The following R3HDM1 variants were observed in gnomAD, a reference collection of about 807,000 sequenced individuals.
R3HDM1 encodes the protein R3H domain-containing protein 1.
R3HDM1 carries 46 observed loss-of-function variants against 141.1 expected under a neutral mutation model. That is an observed-to-expected ratio of 0.33 (90% confidence interval 0.26 to 0.42). R3HDM1 has a LOEUF of 0.42. R3HDM1 is among the 10% of genes least tolerant of loss of function. The pLI is 1.00. For synonymous variants in R3HDM1, 435 were observed against 472.9 expected (o/e 0.92, Z 1.04); for missense variants, 1,184 against 1,368.3 (o/e 0.87, Z 2.12).
intron 1 of R3HDM1, among the ~76,000 whole-genome samples, chr2:135,532,681 A>C (rs988431232): frequency 6.6e-6 from 1 of 152,200 alleles, no homozygotes; most frequent in African/African-American, 2.4e-5. Context: ...TTAAAGTCAA[A>C]CTGAAAGTCT....
At chr2:135,588,048 CTCTTTT>C (rs1559178118) in intron 1 of R3HDM1, among the ~76,000 whole-genome samples, 1 of 152,008 alleles carries the variant, frequency 6.6e-6, no homozygotes, top group South Asian at 2.1e-4. Flanking sequence ...CTCTCTCTCT[CTCTTTT>C]ATCTTTCTAC....
At chr2:135,667,741 G>A (rs1393070496) in intron 19 of R3HDM1, 1 of 982,638 alleles carries the variant, frequency 1.0e-6, no homozygotes, top group African/African-American at 1.8e-5. Flanking sequence ...CTAATCCTCA[G>A]CCTTCTCCCT....
intron 1 of R3HDM1, chr2:135,561,155 G>T (rs948207607): frequency 3.7e-6 from 1 of 269,604 alleles, no homozygotes; most frequent in African/African-American, 2.3e-5. Flanking sequence ...GACTCCGTCA[G>T]ATTTCTAAAG....
intron 21 of R3HDM1, among the ~76,000 whole-genome samples, chr2:135,704,114 G>A (rs1234262551): frequency 1.3e-5 from 2 of 152,122 alleles, no homozygotes; most frequent in African/African-American, 4.8e-5. Context: ...CTGAATAACT[G>A]GGATTACAGG....
chr2:135,644,030 A>G (rs1189533397), intron 15 of R3HDM1, among the ~76,000 whole-genome samples: 13 of 152,216 alleles, frequency 8.5e-5, no homozygotes, highest in Non-Finnish European at 5.9e-5. Flanking sequence ...TAATTTATAT[A>G]ATAAACCACC....
intron 21 of R3HDM1, among the ~76,000 whole-genome samples, chr2:135,701,329 G>A (rs1042163423): frequency 7.2e-5 from 11 of 151,852 alleles, no homozygotes; most frequent in South Asian, 4.1e-4. Context: ...CTTGCACCCC[G>A]GAGTTCAAGG....
At chr2:135,620,462 G>A in intron 5 of R3HDM1, 1 of 963,648 alleles carries the variant, frequency 1.0e-6, no homozygotes, top group Non-Finnish European at 1.2e-6. Context: ...GCAAGTGTTT[G>A]TCATCCTAGT....
At chr2:135,619,053 A>G (rs976419444) in intron 5 of R3HDM1, among the ~76,000 whole-genome samples, 9 of 152,024 alleles carry the variant, frequency 5.9e-5, no homozygotes, top group Non-Finnish European at 1.2e-4. Flanking sequence ...TATTTTGTAC[A>G]AGTCAGAGTA....
chr2:135,704,441 T>C (rs2074621525), intron 21 of R3HDM1, among the ~76,000 whole-genome samples: 2 of 152,026 alleles, frequency 1.3e-5, no homozygotes, highest in Non-Finnish European at 2.9e-5. Flanking sequence ...AAAAAGCATT[T>C]TAAAGTATTG....
intron 3 of R3HDM1, 27 bp from the exon 4 acceptor site, chr2:135,616,125 T>C: frequency 6.2e-7 from 1 of 1,604,722 alleles, no homozygotes; most frequent in Non-Finnish European, 8.5e-7. Context: ...GTATGAAATT[T>C]AATACAAATC....
chr2:135,610,055 A>T (rs28463132), intron 3 of R3HDM1, among the ~76,000 whole-genome samples: 3 of 152,042 alleles, frequency 2.0e-5, no homozygotes, highest in Non-Finnish European at 4.4e-5. Flanking sequence ...AAAAAAAAAA[A>T]TTTAAAAAAC....
intron 5 of R3HDM1, among the ~76,000 whole-genome samples, chr2:135,617,469 A>G (rs2061148994): frequency 6.6e-6 from 1 of 152,124 alleles, no homozygotes. Context: ...CTTCTTCTTG[A>G]TAGGTTATTT....
chr2:135,610,681 T>A (rs1319367139), intron 3 of R3HDM1, among the ~76,000 whole-genome samples: 4 of 152,248 alleles, frequency 2.6e-5, no homozygotes, highest in African/African-American at 9.6e-5. Flanking sequence ...GCTTGGAAAG[T>A]ATTGATGAAA....
chr2:135,605,001 C>T lies in R3HDM1; in HGVS notation c.156C>T (p.Asn52=), dbSNP rs1009235039. ...LVEKNEHCIE[N]NIDLQRPLQS... is the part of the protein sequence containing the mutation. ...AGAAGAATGAACATTGTATTGAGAA[C>T]AATATAGATTTGCAGGTAAACAGGA... Residue 52 remains asparagine (N), a synonymous_variant, in exon 3 of 27, where the codon AAC becomes AAT. Transcript: ENST00000683871. 6.2e-7 allele frequency: 1 copy of T among 1,600,516 alleles called. No individual in the cohort carries two copies. The highest frequency in any genetic ancestry group is 1.7e-5 in the Admixed American group (1 of 59,412).
chr2:135,637,777 G>A (rs2063406557), intron 11 of R3HDM1, among the ~76,000 whole-genome samples: 1 of 152,164 alleles, frequency 6.6e-6, no homozygotes, highest in African/African-American at 2.4e-5. Context: ...GGGGTTTTTG[G>A]TGGTGTTTTT....
At chr2:135,681,810 T>C (rs900678946) in intron 21 of R3HDM1, among the ~76,000 whole-genome samples, 1 of 152,008 alleles carries the variant, frequency 6.6e-6, no homozygotes, top group African/African-American at 2.4e-5. Flanking sequence ...ATACCTGTTA[T>C]ATAGTTACCC....
At chr2:135,628,647 A>G (rs2062299148) in intron 7 of R3HDM1, among the ~76,000 whole-genome samples, 1 of 152,104 alleles carries the variant, frequency 6.6e-6, no homozygotes, top group South Asian at 2.1e-4. Context: ...TGTTTTTGAG[A>G]CGGAGTTTCA....
intron 3 of R3HDM1, among the ~76,000 whole-genome samples, chr2:135,612,576 TCTG>T (rs1290942595): frequency 4.6e-5 from 7 of 152,346 alleles, no homozygotes; most frequent in African/African-American, 1.7e-4. Flanking sequence ...TGTTTCATAT[TCTG>T]CACCCATTTT....
At chr2:135,624,819 G>A (rs1397714298) in intron 7 of R3HDM1, among the ~76,000 whole-genome samples, 2 of 152,138 alleles carry the variant, frequency 1.3e-5, no homozygotes, top group Non-Finnish European at 2.9e-5. Flanking sequence ...GAATGGAGAG[G>A]AAAAGACACA....
Sources: allele counts gnomAD v4.1 joint callset (sites outside exome capture counted in the v4.1 genomes callset), GRCh38; gene constraint gnomAD v4.1.1; transcripts MANE v1.5; gene names NCBI Gene and HGNC (gene_info 2026-07-23, HGNC 2026-07-21).